DLGAP4: variants seen among roughly 807,000 people sequenced by gnomAD.
DLGAP4 encodes the protein DLG associated protein 4, also known as disks large-associated protein 4.
Under a neutral mutation model 86.9 loss-of-function variants are expected in DLGAP4, and 18 were observed. The observed-to-expected ratio is 0.21, with a 90% CI of 0.14 to 0.31. The LOEUF (loss-of-function observed/expected upper bound fraction) is 0.31. Among genes scored for constraint, DLGAP4 ranks in the 10% least tolerant of loss-of-function variants. DLGAP4 has a pLI of 1.00. For synonymous variants in DLGAP4, 548 were observed against 574.3 expected, an observed-to-expected ratio of 0.95 and a Z score of 0.65; for missense variants, 1,085 against 1,362.6, an observed-to-expected ratio of 0.80 and a Z score of 3.21.
chr20:36,307,393 C>T (rs1453667153), intron 1 of DLGAP4, among the ~76,000 whole-genome samples: 2 of 152,192 alleles, frequency 1.3e-5, no homozygotes, highest in African/African-American at 4.8e-5. Context: ...CCTGCCGCTC[C>T]GATCCCCCTC....
chr20:36,442,910 A>G (rs1384279924), intron 6 of DLGAP4, 133 bp downstream of exon 6: 4 of 1,127,614 alleles, frequency 3.5e-6, no homozygotes, highest in Admixed American at 1.8e-5. Context: ...AGCCACTTCC[A>G]GTGGATGGAG....
Position 36,442,719 on chromosome 20 carries a change from T to G in DLGAP4, c.1357-8T>G, listed in dbSNP as rs2033483466. 9 of 1,614,142 alleles carry G rather than the reference T, an allele frequency of 5.6e-6. No homozygotes were observed. The East Asian group carries it at 2.0e-4, about 36-fold the overall frequency. On this transcript the variant is annotated splice_polypyrimidine_tract_variant and splice_region_variant and intron_variant, in intron 5 of 12. Transcript: ENST00000339266. ...CCTTCCATAACCCTCACCCTCTCTT[T>G]CCTGCAGATTTTTGGACAGGCCTCC...
intron 2 of DLGAP4, among the ~76,000 whole-genome samples, chr20:36,418,839 A>ATTG (rs2147515264): frequency 1.3e-5 from 2 of 151,954 alleles, no homozygotes; most frequent in South Asian, 2.1e-4. Flanking sequence ...CAACTAGTTG[A>ATTG]ATATCATGCT....
rs147765910 is a variant in DLGAP4 at position 36,505,997 on chromosome 20, G to T, written c.2512+5386G>T. On this transcript the variant is annotated intron_variant, in intron 10 of 12. Coordinates refer to ENST00000339266, the MANE Select transcript of DLGAP4 (RefSeq NM_001365621.2). ...CAGTGCAAACCTGTGTTGTTCAAGG[G>T]TCAGCTGTATTTCACCATATATTCA... Among the ~76,000 whole-genome samples the T allele has an allele frequency of 9.3e-4, 142 of 152,164 alleles. 5 individuals carry two copies. In the East Asian group the frequency reaches 0.027, roughly 29 times the overall value.
At chr20:36,439,711 C>G (rs745448433) in intron 4 of DLGAP4, 43 bp from the exon 5 acceptor site, 20 of 1,563,446 alleles carry the variant, frequency 1.3e-5, no homozygotes, top group Non-Finnish European at 2.6e-6. Flanking sequence ...GCTGGGTGAA[C>G]AATGGGTGGG....
chr20:36,323,356 C>T (rs1416410959), intron 1 of DLGAP4, among the ~76,000 whole-genome samples: 1 of 152,092 alleles, frequency 6.6e-6, no homozygotes, highest in African/African-American at 2.4e-5. Flanking sequence ...CAACATCATG[C>T]AGATTGTCTC....
intron 2 of DLGAP4, among the ~76,000 whole-genome samples, chr20:36,373,475 A>G (rs2031021554): frequency 6.6e-6 from 1 of 152,152 alleles, no homozygotes; most frequent in Non-Finnish European, 1.5e-5. Context: ...CCCCTCAATC[A>G]ATTGCTGTTG....
chr20:36,394,099 C>A (rs1173216421), intron 2 of DLGAP4, among the ~76,000 whole-genome samples: 8 of 152,220 alleles, frequency 5.3e-5, no homozygotes. Flanking sequence ...CTCTCTCCCT[C>A]TCTTTCACAT....
chr20:36,471,900 G>A lies in DLGAP4; in HGVS notation c.1649-24805G>A, dbSNP rs548773767. On this transcript the variant is annotated intron_variant, in intron 7 of 12. Coordinates refer to ENST00000339266, the MANE Select transcript of DLGAP4 (RefSeq NM_001365621.2). ...CTTTTGTTGGAAGAACATACAAGACGAGAGAAAAAAAAAGATCATACTTAG... is the reference window on the plus strand; with the variant it reads ...CTTTTGTTGGAAGAACATACAAGACAAGAGAAAAAAAAAGATCATACTTAG... Among the ~76,000 whole-genome samples, 5 of 151,924 alleles carry A rather than the reference G, an allele frequency of 3.3e-5. No individual in the cohort carries two copies. In the South Asian group the frequency reaches 8.3e-4, roughly 25 times the overall value.
In DLGAP4 at chr20:36,496,772, G is replaced by A. The variant is rs758639732; in HGVS notation, c.1716G>A (p.Pro572=). Residue 572 remains proline (P), a synonymous_variant, in exon 8 of 13, where the codon CCG becomes CCA. Transcript: ENST00000339266. ...TCCCTCCACGCACCACTTCAAAGCC[G>A]TTCATCTCAGTCACAGTCCAGAGCA... The part of the protein sequence containing the change: ...PPVPPRTTSK[P]FISVTVQSST... 9.3e-6 allele frequency: 15 copies of A among 1,613,914 alleles called. No individual in the cohort carries two copies. Among genetic ancestry groups the A allele is most frequent in the Middle Eastern group, 1.6e-4 (1 of 6,082 alleles).
intron 1 of DLGAP4, among the ~76,000 whole-genome samples, chr20:36,366,535 T>C (rs150126765): frequency 6.6e-6 from 1 of 152,332 alleles, no homozygotes; most frequent in African/African-American, 2.4e-5. Context: ...ACCTGCACTG[T>C]CTTCTCAGTC....
At chr20:36,423,095 A>C (rs1443403315) in intron 2 of DLGAP4, among the ~76,000 whole-genome samples, 1 of 152,178 alleles carries the variant, frequency 6.6e-6, no homozygotes, top group Non-Finnish European at 1.5e-5. Context: ...CATTGCCTAG[A>C]GGAGGAAACT....
At chr20:36,414,639 T>C (rs1256265263) in intron 2 of DLGAP4, among the ~76,000 whole-genome samples, 6 of 151,760 alleles carry the variant, frequency 4.0e-5, no homozygotes, top group Non-Finnish European at 8.8e-5. Flanking sequence ...CGTGAGAGAG[T>C]TGGATCAGAC....
At chr20:36,482,388 A>G (rs1244173289) in intron 7 of DLGAP4, among the ~76,000 whole-genome samples, 1 of 152,176 alleles carries the variant, frequency 6.6e-6, no homozygotes, top group Non-Finnish European at 1.5e-5. Flanking sequence ...CTCCATTGAC[A>G]TCAGCCCTCC....
chr20:36,331,519 G>A (rs1555891551), intron 1 of DLGAP4, among the ~76,000 whole-genome samples: 7 of 152,194 alleles, frequency 4.6e-5, no homozygotes, highest in Admixed American at 1.3e-4. Flanking sequence ...GCCCCCTGCC[G>A]ACCCAGCCTC....
chr20:36,462,269 T>G, intron 7 of DLGAP4: 1 of 1,283,144 alleles, frequency 7.8e-7, no homozygotes, highest in African/African-American at 1.6e-5. Context: ...GTTTGTCCCC[T>G]GTCGCTGTCT....
intron 1 of DLGAP4, among the ~76,000 whole-genome samples, chr20:36,311,234 G>T (rs953245918): frequency 5.0e-5 from 6 of 120,180 alleles, no homozygotes; most frequent in Admixed American, 4.5e-4. Flanking sequence ...CTCGGAGGGT[G>T]GGGGGGGTGG....
chr20:36,490,398 A>G (rs1052534384), intron 7 of DLGAP4, among the ~76,000 whole-genome samples: 1 of 152,186 alleles, frequency 6.6e-6, no homozygotes, highest in Non-Finnish European at 1.5e-5. Flanking sequence ...TGTTTTTATC[A>G]TAGCATACAG....
intron 1 of DLGAP4, among the ~76,000 whole-genome samples, chr20:36,341,969 C>G (rs897650126): frequency 6.6e-6 from 1 of 152,198 alleles, no homozygotes; most frequent in African/African-American, 2.4e-5. Flanking sequence ...TTTCTTTGAG[C>G]AGATTGAAGA....
Sources: gnomAD v4.1 joint callset for allele counts (sites outside exome capture counted in the v4.1 genomes callset) on GRCh38, gnomAD v4.1.1 for gene constraint, MANE v1.5 for transcripts, NCBI Gene and HGNC (gene_info 2026-07-23, HGNC 2026-07-21) for gene names.